Variants in DOCK11 observed in about 807,000 individuals in gnomAD.
DOCK11 encodes the protein dedicator of cytokinesis 11, also known as dedicator of cytokinesis protein 11.
DOCK11 carries 70 observed loss-of-function variants against 169.1 expected under a neutral mutation model. That is an observed-to-expected ratio of 0.41 (90% CI 0.34 to 0.51). The LOEUF (loss-of-function observed/expected upper bound fraction) is 0.51. DOCK11 is among the 20% of genes least tolerant of loss of function. The pLI is 0.10. For synonymous variants in DOCK11, 529 were observed against 541.3 expected (o/e 0.98, Z 0.32); for missense variants, 1,166 against 1,538.8 (o/e 0.76, Z 4.05).
chrX:118,648,104 TATA>T (rs1437473566), intron 40 of DOCK11, among the ~76,000 whole-genome samples: 1 of 74,533 alleles, frequency 1.3e-5, no homozygotes, highest in East Asian at 3.7e-4. Context: ...TATTATACAA[TATA>T]ATATATAAAT....
intron 34 of DOCK11, among the ~76,000 whole-genome samples, chrX:118,629,386 T>G (rs1423710151): frequency 9.0e-6 from 1 of 111,432 alleles, no homozygotes; most frequent in Non-Finnish European, 1.9e-5. Context: ...TAAAAGTTCT[T>G]CCTTAGTAAA....
intron 32 of DOCK11, among the ~76,000 whole-genome samples, chrX:118,626,451 C>A (rs1230769071): frequency 1.8e-5 from 2 of 111,546 alleles, no homozygotes; most frequent in African/African-American, 6.5e-5. Flanking sequence ...ATACAATGTC[C>A]AAATTATACA....
intron 32 of DOCK11, among the ~76,000 whole-genome samples, chrX:118,625,140 G>T (rs1212521611): frequency 9.2e-6 from 1 of 108,465 alleles, no homozygotes; most frequent in Non-Finnish European, 1.9e-5. Flanking sequence ...TGAATCACCT[G>T]GGGAATTTGT....
At chrX:118,503,462 G>T in intron 1 of DOCK11, among the ~76,000 whole-genome samples, 1 of 112,157 alleles carries the variant, frequency 8.9e-6, no homozygotes, top group Non-Finnish European at 1.9e-5. Flanking sequence ...TCTTAAAAGG[G>T]AAGGAGAAGG....
intron 39 of DOCK11, among the ~76,000 whole-genome samples, chrX:118,641,993 A>G (rs1233031751): frequency 1.8e-5 from 2 of 111,227 alleles, no homozygotes; most frequent in Non-Finnish European, 3.8e-5. Flanking sequence ...TTTCTATGGA[A>G]ACCTGGCCTG....
In DOCK11 at chrX:118,683,098, A is replaced by G; in HGVS notation, c.5983A>G (p.Ser1995Gly). The change falls in exon 52 of 53, where the codon AGC becomes GGC. Residue 1995 changes from serine (S) to glycine (G), a missense_variant. Physicochemically the swap from Ser to Gly is moderately conservative, Grantham distance 56. Coordinates refer to ENST00000276202, the MANE Select transcript of DOCK11 (RefSeq NM_144658.4). ...DMFRKFIQAC[S>G]IALELNERLI... ...CCACAGGAAATTTATACAAGCATGC[A>G]GCATTGCACTTGAACTAAATGAGCG... is the stretch of plus-strand genomic sequence containing the variant. The G allele has an allele frequency of 1.7e-6, 2 of 1,209,016 alleles. No homozygotes were observed. The highest frequency in any genetic ancestry group is 2.2e-6 in the Non-Finnish European group (2 of 894,288).
At position 118,498,696 on chromosome X, in the gene DOCK11, C is replaced by G. The variant is rs780970784; in HGVS notation, c.102+2623C>G. Among the ~76,000 whole-genome samples, 4 of 111,967 alleles carry G rather than the reference C, an allele frequency of 3.6e-5. No individual in the cohort carries two copies. In the East Asian group the frequency reaches 1.1e-3, roughly 31 times the overall value. The stretch of plus-strand genomic sequence containing the variant: ...AGTCAAGCTTTCCTCTGGTGTATCT[C>G]TTGTTAGAACATGGAAAACCCACCA... On this transcript the variant is annotated intron_variant, in intron 1 of 52. Transcript: ENST00000276202.
chrX:118,552,767 A>C (rs772597192), intron 6 of DOCK11, among the ~76,000 whole-genome samples: 1 of 112,379 alleles, frequency 8.9e-6, no homozygotes, highest in Non-Finnish European at 1.9e-5. Flanking sequence ...AATCCCAGCA[A>C]CTTAAGAGGC....
At chrX:118,648,496 GAT>G (rs1294554862) in intron 40 of DOCK11, among the ~76,000 whole-genome samples, 3 of 91,817 alleles carry the variant, frequency 3.3e-5, no homozygotes, top group Non-Finnish European at 6.3e-5. Context: ...ATATTATATT[GAT>G]ATGTTAATAT....
In DOCK11 at chrX:118,517,984, A is replaced by G. The variant is rs571786145; in HGVS notation, c.102+21911A>G. Among the ~76,000 whole-genome samples, 3 of 111,759 alleles carry G rather than the reference A, an allele frequency of 2.7e-5. No homozygotes were observed. The South Asian group carries it at 1.1e-3, about 41-fold the overall frequency. ...AGCTGCTATGTTGCGTGTGAAATGT[A>G]TCTCAGGTTGTTGATACTGGAGTTC... On this transcript the variant is annotated intron_variant, in intron 1 of 52. Coordinates refer to ENST00000276202, the MANE Select transcript of DOCK11 (RefSeq NM_144658.4).
chrX:118,581,248 G>A (rs933894252), intron 14 of DOCK11, among the ~76,000 whole-genome samples: 2 of 111,166 alleles, frequency 1.8e-5, no homozygotes, highest in Non-Finnish European at 3.8e-5. Context: ...TCTTTTATTT[G>A]TCACTATTTA....
At chrX:118,606,039 C>G (rs893657758) in intron 24 of DOCK11, among the ~76,000 whole-genome samples, 7 of 107,700 alleles carry the variant, frequency 6.5e-5, no homozygotes, top group Non-Finnish European at 1.1e-4. Context: ...CCACATGTGG[C>G]TATTGAGACT....
At chrX:118,653,927 A>G (rs974214273) in intron 42 of DOCK11, among the ~76,000 whole-genome samples, 2 of 112,515 alleles carry the variant, frequency 1.8e-5, no homozygotes, top group African/African-American at 6.5e-5. Context: ...ACAAACTTTG[A>G]AAGCTTAATG....
intron 36 of DOCK11, among the ~76,000 whole-genome samples, chrX:118,637,026 G>A (rs1304342767): frequency 8.9e-6 from 1 of 112,294 alleles, no homozygotes; most frequent in Non-Finnish European, 1.9e-5. Flanking sequence ...AATAGTACAC[G>A]TATATGATTT....
intron 6 of DOCK11, among the ~76,000 whole-genome samples, chrX:118,549,645 C>T (rs2012423131): frequency 9.0e-6 from 1 of 111,456 alleles, no homozygotes; most frequent in Non-Finnish European, 1.9e-5. Flanking sequence ...TCTCAAACTC[C>T]CAGGCTCAAG....
intron 30 of DOCK11, 136 bp downstream of exon 30, chrX:118,615,847 A>G: frequency 2.0e-6 from 1 of 507,867 alleles, no homozygotes; most frequent in Admixed American, 4.1e-5. Flanking sequence ...AAGTCCATTA[A>G]TGTTTTTCTG....
chrX:118,609,216 C>A, intron 26 of DOCK11, 62 bp from the exon 27 acceptor site: 1 of 916,557 alleles, frequency 1.1e-6, no homozygotes, highest in South Asian at 2.2e-5. Context: ...ATTGATCTGT[C>A]AAACTTTGCT....
In DOCK11 at chrX:118,588,168, G is replaced by A; in HGVS notation, c.1827G>A (p.Lys609=). 8.3e-7 allele frequency: 1 copy of A among 1,199,045 alleles called. No individual in the cohort carries two copies. Among genetic ancestry groups the A allele is most frequent in the Non-Finnish European group, 1.1e-6 (1 of 890,859 alleles). The change falls in exon 17 of 53, where the codon AAG becomes AAA. Residue 609 remains lysine (K), a synonymous_variant. Coordinates refer to ENST00000276202, the MANE Select transcript of DOCK11 (RefSeq NM_144658.4). ...TTACTTCTTCATATGTGCCCTTGAA[G>A]CCTTTTGAAAAGAATTGCCAAAATA... ...NCITSSYVPL[K]PFEKNCQNIT...
chrX:118,523,675 C>T (rs2011310736), intron 1 of DOCK11, among the ~76,000 whole-genome samples: 1 of 111,949 alleles, frequency 8.9e-6, no homozygotes, highest in Non-Finnish European at 1.9e-5. Flanking sequence ...ACAGCCATTT[C>T]TAGAGGATTT....
Sources: allele counts gnomAD v4.1 joint callset (sites outside exome capture counted in the v4.1 genomes callset), GRCh38; gene constraint gnomAD v4.1.1; transcripts MANE v1.5; gene names NCBI Gene and HGNC (gene_info 2026-07-23, HGNC 2026-07-21).